The following ACTR2 variants were observed in gnomAD, a reference collection of about 807,000 sequenced individuals.
ACTR2 encodes the protein actin-related protein 2.
Under a neutral mutation model 50.2 loss-of-function variants are expected in ACTR2, and 5 were observed. The ratio of observed to expected loss-of-function variants is 0.10; its 90% CI spans 0.05 to 0.21. ACTR2 has a LOEUF of 0.21. ACTR2 is among the 10% of genes least tolerant of loss of function. The probability of loss-of-function intolerance (pLI) is 1.00; values close to 1 mark genes in which losing one functional copy is unlikely to be tolerated. For missense variants in ACTR2, 180 were observed against 480.6 expected (o/e 0.37, Z 5.85); for synonymous variants, 140 against 162.9 (o/e 0.86, Z 1.07).
intron 1 of ACTR2, among the ~76,000 whole-genome samples, chr2:65,229,390 A>G (rs1671592491): frequency 3.3e-5 from 5 of 152,202 alleles, no homozygotes; most frequent in Admixed American, 3.3e-4. Context: ...TTTGTTACAC[A>G]ATTTTACAAG....
intron 1 of ACTR2, among the ~76,000 whole-genome samples, chr2:65,229,526 C>T (rs1443534249): frequency 2.6e-5 from 4 of 151,998 alleles, no homozygotes; most frequent in Admixed American, 2.6e-4. Flanking sequence ...GAGGTCTAGG[C>T]GGGCGGATCA....
At chr2:65,267,862 C>CTTTTTTTTT (rs70943640) in intron 8 of ACTR2, among the ~76,000 whole-genome samples, 1,295 of 47,420 alleles carry the variant, frequency 0.027, 268 homozygotes, top group Non-Finnish European at 0.033. Context: ...TGCAAGTCCT[C>CTTTTTTTTT]TTTTTTTTTT....
chr2:65,263,010 A>G (rs1047799476), intron 7 of ACTR2, among the ~76,000 whole-genome samples: 1 of 150,796 alleles, frequency 6.6e-6, no homozygotes, highest in Non-Finnish European at 1.5e-5. Flanking sequence ...AAACATATAT[A>G]TATATATAAA....
chr2:65,243,031 A>G (rs1358739065), intron 2 of ACTR2, among the ~76,000 whole-genome samples: 2 of 152,218 alleles, frequency 1.3e-5, no homozygotes, highest in African/African-American at 4.8e-5. Flanking sequence ...CTGTACTCCC[A>G]GCACTTTGGG....
intron 1 of ACTR2, among the ~76,000 whole-genome samples, chr2:65,231,067 C>T (rs1418942647): frequency 2.7e-5 from 4 of 150,226 alleles, no homozygotes; most frequent in Non-Finnish European, 5.9e-5. Context: ...AAAAAAAAAG[C>T]TGATTGTAGT....
At chr2:65,261,473 T>C in intron 7 of ACTR2, 81 bp downstream of exon 7, 1 of 1,278,748 alleles carries the variant, frequency 7.8e-7, no homozygotes, top group Non-Finnish European at 1.1e-6. Context: ...CAGAAATAGA[T>C]GGAATTAAAT....
chr2:65,230,191 A>G (rs1157948517), intron 1 of ACTR2, among the ~76,000 whole-genome samples: 1 of 152,202 alleles, frequency 6.6e-6, no homozygotes, highest in African/African-American at 2.4e-5. Flanking sequence ...GATTTCCACT[A>G]TAGTTTCAAA....
intron 2 of ACTR2, chr2:65,242,549 A>G (rs1671858446): frequency 2.4e-6 from 1 of 416,854 alleles, no homozygotes; most frequent in African/African-American, 2.1e-5. Context: ...TAAAATTTTA[A>G]TATGTAAATA....
At chr2:65,248,416 A>T (rs1671981946) in intron 3 of ACTR2, among the ~76,000 whole-genome samples, 1 of 151,746 alleles carries the variant, frequency 6.6e-6, no homozygotes, top group Non-Finnish European at 1.5e-5. Context: ...AAAAAAAGGG[A>T]ATTGGGCTTT....
rs1297985651 is a variant in ACTR2 at position 65,269,971 on chromosome 2, T to C, written c.*1237T>C. 6.6e-6 allele frequency: 1 copy of C among 152,236 alleles called. No homozygotes were observed. Among genetic ancestry groups the C allele is most frequent in the Non-Finnish European group, 1.5e-5 (1 of 68,036 alleles). The allele number at this position is 152,236 out of a possible 1,614,324, so 9.4% of individuals were successfully genotyped here. On this transcript the variant is annotated 3_prime_UTR_variant, in exon 9 of 9. Coordinates refer to ENST00000260641, the MANE Select transcript of ACTR2 (RefSeq NM_005722.4). ...TCATAACTGTTAATTCTCAGCCATC[T>C]TTGAAGCTTGAAAGAAGAGTCTTTG...
At chr2:65,236,321 G>A (rs1184080713) in intron 1 of ACTR2, among the ~76,000 whole-genome samples, 1 of 149,228 alleles carries the variant, frequency 6.7e-6, no homozygotes, top group Non-Finnish European at 1.5e-5. Flanking sequence ...GGGTGACAGA[G>A]CGAGACTCCA....
At chr2:65,244,292 A>G (rs1671894186) in intron 2 of ACTR2, among the ~76,000 whole-genome samples, 1 of 152,194 alleles carries the variant, frequency 6.6e-6, no homozygotes, top group African/African-American at 2.4e-5. Context: ...TAATTATCTA[A>G]TCTGTTATCT....
At chr2:65,242,564 A>G (rs1489686571) in intron 2 of ACTR2, 2 of 442,648 alleles carry the variant, frequency 4.5e-6, no homozygotes, top group Non-Finnish European at 8.9e-6. Flanking sequence ...TAAATAAACC[A>G]TAGATAGAAA....
In ACTR2 at chr2:65,270,299, GA is replaced by G. The variant is rs1672467109; in HGVS notation, c.*1567del. 6.6e-6 allele frequency: 1 copy of G among 152,584 alleles called. No homozygotes were observed. The allele number at this position is 152,584 out of a possible 1,614,324, so 9.5% of individuals were successfully genotyped here. ...TGACTTGAGGGTCTCTGTTTGGTAA[GA>G]ATACATCATTAGCTTAAATAAGCAG... On this transcript the variant is annotated 3_prime_UTR_variant, in exon 9 of 9. Transcript: ENST00000260641.
At chr2:65,263,334 G>C (rs1443897736) in intron 7 of ACTR2, among the ~76,000 whole-genome samples, 3 of 136,592 alleles carry the variant, frequency 2.2e-5, no homozygotes, top group Non-Finnish European at 4.6e-5. Context: ...TACTCTCTCT[G>C]TTTGCCATTT....
At chr2:65,235,781 A>G (rs1044160832) in intron 1 of ACTR2, among the ~76,000 whole-genome samples, 7 of 152,152 alleles carry the variant, frequency 4.6e-5, no homozygotes, top group African/African-American at 1.4e-4. Flanking sequence ...ATAATCCAAA[A>G]GAATTGTATT....
intron 1 of ACTR2, chr2:65,228,176 G>T: frequency 2.4e-6 from 1 of 417,124 alleles, no homozygotes; most frequent in East Asian, 3.8e-5. Context: ...TCACCCTTCC[G>T]GGTGGGGGCG....
chr2:65,244,323 CG>C (rs1411207097), intron 2 of ACTR2, among the ~76,000 whole-genome samples: 2 of 151,798 alleles, frequency 1.3e-5, no homozygotes, highest in Non-Finnish European at 2.9e-5. Context: ...ACAAAAAAGA[CG>C]TAAAGTTAGT....
At position 65,227,933 on chromosome 2, in the gene ACTR2, G is replaced by C. The variant is rs1671557404; in HGVS notation, c.24G>C (p.Val8=). 1 of 1,524,748 alleles carries C rather than the reference G, an allele frequency of 6.6e-7. No individual in the cohort carries two copies. Among genetic ancestry groups the C allele is most frequent in the East Asian group, 2.8e-5 (1 of 36,012 alleles). 94.5% of individuals were successfully genotyped at this position (1,524,748 alleles called of 1,614,324 possible). The change falls in exon 1 of 9, where the codon GTG becomes GTC. Residue 8 remains valine, a synonymous_variant. Coordinates refer to ENST00000260641, the MANE Select transcript of ACTR2 (RefSeq NM_005722.4). ...CGATGGACAGCCAGGGCAGGAAGGT[G>C]GTGGTGTGCGACAACGGCACCGGGG... MDSQGRK[V]VVCDNGTGFV... is the part of the protein sequence containing the mutation.
Sources: allele counts gnomAD v4.1 joint callset (sites outside exome capture counted in the v4.1 genomes callset), GRCh38; gene constraint gnomAD v4.1.1; transcripts MANE v1.5; gene names NCBI Gene and HGNC (gene_info 2026-07-23, HGNC 2026-07-21).